Variants in UBE4A observed in about 807,000 individuals in gnomAD.
UBE4A encodes the protein ubiquitination factor E4A.
Under a neutral mutation model 117.9 loss-of-function variants are expected in UBE4A, and 48 were observed. That is an observed-to-expected ratio of 0.41 (90% CI 0.32 to 0.52). UBE4A has a LOEUF of 0.52. Ranked by LOEUF, UBE4A falls within the 20% of genes least tolerant of loss-of-function variation. The pLI, the probability that UBE4A is intolerant of heterozygous loss-of-function variation, is 0.33. For synonymous variants in UBE4A, 407 were observed against 450.0 expected, an observed-to-expected ratio of 0.90 and a Z score of 1.21; for missense variants, 1,067 against 1,296.3, an observed-to-expected ratio of 0.82 and a Z score of 2.72.
At chr11:118,381,300 TC>T in intron 11 of UBE4A, 90 bp from the exon 12 acceptor site, 1 of 1,490,338 alleles carries the variant, frequency 6.7e-7, no homozygotes, top group Non-Finnish European at 9.1e-7. Context: ...TTTTTAACCT[TC>T]ATTAAGTAGG....
intron 13 of UBE4A, among the ~76,000 whole-genome samples, chr11:118,384,289 T>C (rs1254599839): frequency 5.9e-5 from 9 of 152,214 alleles, no homozygotes; most frequent in Non-Finnish European, 1.3e-4. Context: ...TGCACATGGC[T>C]TTCACTGCCA....
chr11:118,396,180 A>G (rs1555129662), intron 19 of UBE4A, 134 bp from the exon 20 acceptor site: 3 of 1,082,690 alleles, frequency 2.8e-6, no homozygotes, highest in Non-Finnish European at 3.8e-6. Context: ...TCTAACCCCA[A>G]CTCGGCATTT....
chr11:118,379,814 G>C, intron 11 of UBE4A, 64 bp downstream of exon 11: 1 of 1,520,072 alleles, frequency 6.6e-7, no homozygotes, highest in Non-Finnish European at 8.9e-7. Context: ...GGGTCACTTT[G>C]GAAGTTTAAT....
Position 118,398,181 on chromosome 11 carries a change from G to A in UBE4A, c.*1741G>A, listed in dbSNP as rs189287604. The A allele has an allele frequency of 6.6e-6, 1 of 152,522 alleles. No homozygotes were observed. Among genetic ancestry groups the A allele is most frequent in the Non-Finnish European group, 1.5e-5 (1 of 68,010 alleles). The allele number at this position is 152,522 out of a possible 1,614,324, so 9.4% of individuals were successfully genotyped here. On this transcript the variant is annotated 3_prime_UTR_variant, in exon 20 of 20. Transcript: ENST00000252108. ...TCTCATTTTAAAAACGAGGGGAAAA[G>A]ACCAGAGTTTTTCAGGAGAAAACTG...
At chr11:118,386,651 T>C in intron 16 of UBE4A, 39 bp downstream of exon 16, 1 of 1,490,958 alleles carries the variant, frequency 6.7e-7, no homozygotes, top group African/African-American at 1.5e-5. Flanking sequence ...AAAAAAGTAA[T>C]GGCCAAGATC....
chr11:118,379,312 G>T, intron 10 of UBE4A, 134 bp from the exon 11 acceptor site: 1 of 977,646 alleles, frequency 1.0e-6, no homozygotes. Context: ...AAACTTTTGT[G>T]AGTGCCTTCT....
intron 10 of UBE4A, among the ~76,000 whole-genome samples, chr11:118,378,132 A>T (rs956426109): frequency 3.3e-5 from 5 of 151,828 alleles, no homozygotes; most frequent in Non-Finnish European, 5.9e-5. Context: ...CTGTAGTCCC[A>T]GCTACTCGGG....
Position 118,383,588 on chromosome 11 carries a change from CAAAAAAAAAAAA to C in UBE4A, c.2197+825_2197+836del, listed in dbSNP as rs11375309. Among the ~76,000 whole-genome samples, 21 of 54,232 alleles carry C rather than the reference CAAAAAAAAAAAA, an allele frequency of 3.9e-4. No homozygotes were observed. In the East Asian group the frequency reaches 0.01, roughly 27 times the overall value. The allele number at this position is 54,232 out of a possible 152,430, so 35.6% of individuals were successfully genotyped here. On this transcript the variant is annotated intron_variant, in intron 13 of 19. Transcript: ENST00000252108. ...GGATGACAGAGCAAGAAATCCCTCT[CAAAAAAAAAAAA>C]AAAAAAAAAAAACCAGCAGGCAACA...
chr11:118,369,665 T>G, intron 4 of UBE4A, 130 bp downstream of exon 4: 2 of 603,862 alleles, frequency 3.3e-6, no homozygotes, highest in South Asian at 4.1e-5. Flanking sequence ...TTTTTTTTTT[T>G]ACCAGTAGAA....
rs782596481 is a variant in UBE4A, at chr11:118,381,522, A to G, written c.2008A>G (p.Arg670Gly). 2.5e-6 allele frequency: 4 copies of G among 1,613,950 alleles called. No individual in the cohort carries two copies. Among genetic ancestry groups the G allele is most frequent in the Non-Finnish European group, 3.4e-6 (4 of 1,179,906 alleles). Residue 670 changes from arginine (R) to glycine (G), a missense_variant and splice_region_variant, in exon 12 of 20, where the codon AGA becomes GGA. Arg to Gly is a moderately radical substitution (Grantham distance 125, BLOSUM62 -2). Transcript: ENST00000252108. ...FITIFTGSIE[R>G]MKNPHLRAKL... ...CACCATTTTCACTGGAAGCATAGAA[A>G]GGTGAAGTGCTGAAAGCTTGGTTCT...
chr11:118,376,150 A>G (rs1039285954), intron 9 of UBE4A, among the ~76,000 whole-genome samples: 40 of 152,200 alleles, frequency 2.6e-4, no homozygotes, highest in African/African-American at 9.2e-4. Context: ...GCTGGATTGG[A>G]GAAAACAGTA....
At chr11:118,381,557 T>A (rs781920566) in intron 12 of UBE4A, 34 bp downstream of exon 12, 2 of 1,607,230 alleles carry the variant, frequency 1.2e-6, no homozygotes, top group Non-Finnish European at 8.5e-7. Flanking sequence ...TGTCACTGTT[T>A]AGGCTGTAAA....
chr11:118,390,552 T>C (rs1476155537), intron 17 of UBE4A, 105 bp from the exon 18 acceptor site: 1 of 751,838 alleles, frequency 1.3e-6, no homozygotes, highest in Non-Finnish European at 1.9e-6. Context: ...AAAAGAATGT[T>C]CATGGCTTTT....
chr11:118,373,443 C>T, intron 7 of UBE4A, 51 bp from the exon 8 acceptor site: 1 of 1,569,874 alleles, frequency 6.4e-7, no homozygotes, highest in African/African-American at 1.4e-5. Flanking sequence ...CCCACCCCAT[C>T]ACCTTATCTC....
chr11:118,378,225 C>T (rs952664364), intron 10 of UBE4A, among the ~76,000 whole-genome samples: 10 of 148,940 alleles, frequency 6.7e-5, no homozygotes, highest in Middle Eastern at 3.5e-3. Flanking sequence ...CCAGCCTAGG[C>T]GACAGGGCGA....
chr11:118,381,560 G>T, intron 12 of UBE4A, 37 bp downstream of exon 12: 1 of 1,602,628 alleles, frequency 6.2e-7, no homozygotes, highest in Non-Finnish European at 8.5e-7. Context: ...CACTGTTTAG[G>T]CTGTAAAACA....
At chr11:118,364,938 A>T (rs1342571500) in intron 1 of UBE4A, 102 bp from the exon 2 acceptor site, 2 of 1,134,210 alleles carry the variant, frequency 1.8e-6, no homozygotes, top group East Asian at 5.7e-5. Context: ...AAAGTATTTT[A>T]AAATGTATTG....
At chr11:118,370,623 A>G (rs1948601237) in intron 4 of UBE4A, among the ~76,000 whole-genome samples, 1 of 131,918 alleles carries the variant, frequency 7.6e-6, no homozygotes, top group South Asian at 2.3e-4. Flanking sequence ...AGACCCATCT[A>G]AAAAAAAAAA....
At chr11:118,371,277 T>C (rs931128809) in intron 4 of UBE4A, among the ~76,000 whole-genome samples, 1 of 152,304 alleles carries the variant, frequency 6.6e-6, no homozygotes, top group South Asian at 2.1e-4. Context: ...TTTTAATGCC[T>C]ACTCTATGCT....
Sources: gnomAD v4.1 joint callset for allele counts (sites outside exome capture counted in the v4.1 genomes callset) on GRCh38, gnomAD v4.1.1 for gene constraint, MANE v1.5 for transcripts, NCBI Gene and HGNC (gene_info 2026-07-23, HGNC 2026-07-21) for gene names.